Variants in SMIM27 observed in about 807,000 individuals in gnomAD.
SMIM27 encodes TOPORS antisense RNA 1 (non-protein coding).
Under a neutral mutation model 1.8 loss-of-function variants are expected in SMIM27, and 3 were observed. The observed-to-expected ratio is 1.65, with a 90% CI of 0.75 to 4.28. SMIM27 has a LOEUF of 4.28. SMIM27 is among the 30% of genes most tolerant of loss of function. The pLI is 0.02. For missense variants in SMIM27, 63 were observed against 37.0 expected (o/e 1.70, Z -1.83); for synonymous variants, 19 against 13.9 (o/e 1.37, Z -0.82).
At chr9:32,556,996 C>T (rs1483528696), downstream of SMIM27, among the ~76,000 whole-genome samples, 4 of 150,480 alleles carry the variant, frequency 2.7e-5, no homozygotes, top group South Asian at 2.1e-4. Flanking sequence ...GGATTACAGG[C>T]GTGCACCACC....
Position 32,552,920 on chromosome 9 carries a change from G to GT in SMIM27, c.166dup (p.Ter56LeufsTer9). 1 of 701,780 alleles carries GT rather than the reference G, an allele frequency of 1.4e-6. No homozygotes were observed. Among genetic ancestry groups the GT allele is most frequent in the Non-Finnish European group, 2.6e-6 (1 of 384,550 alleles). 43.5% of individuals were successfully genotyped at this position (701,780 alleles called of 1,614,324 possible). On this transcript the variant is annotated frameshift_variant, in exon 2 of 2. Transcript: ENST00000692500. LOFTEE classifies it high-confidence loss of function. ...AAATCTTTGGGACGAATGAAAATTT[G>GT]TAACTCTTCTGGATTTAATTATCTG...
intron 1 of SMIM27, chr9:32,558,883 A>T (rs200276188): frequency 6.9e-7 from 1 of 1,454,672 alleles, no homozygotes; most frequent in East Asian, 2.3e-5. Flanking sequence ...AATAAACAAA[A>T]GAAAAATCAG....
chr9:32,554,656 T>C (rs767902389), downstream of SMIM27, among the ~76,000 whole-genome samples: 6 of 152,230 alleles, frequency 3.9e-5, no homozygotes, highest in Admixed American at 3.3e-4. Context: ...CTCAGGATTA[T>C]AGTCCAATGA....
intron 1 of SMIM27, among the ~76,000 whole-genome samples, chr9:32,561,432 A>G (rs1821622901): frequency 6.6e-6 from 1 of 151,994 alleles, no homozygotes; most frequent in East Asian, 1.9e-4. Flanking sequence ...GTTTCCAGCA[A>G]TTCTTCTGCC....
chr9:32,552,027 C>G (rs1821282242), upstream of SMIM27, among the ~76,000 whole-genome samples: 1 of 151,976 alleles, frequency 6.6e-6, no homozygotes, highest in South Asian at 2.1e-4. Context: ...GTTAATTCTT[C>G]CAGCTTTAGA....
At chr9:32,561,355 T>A (rs1345202390) in intron 1 of SMIM27, among the ~76,000 whole-genome samples, 1 of 151,560 alleles carries the variant, frequency 6.6e-6, no homozygotes, top group Non-Finnish European at 1.5e-5. Context: ...AGACAGAGTC[T>A]CGTTATATCG....
At chr9:32,555,203 C>T (rs573467960), downstream of SMIM27, among the ~76,000 whole-genome samples, 75 of 152,252 alleles carry the variant, frequency 4.9e-4, 2 homozygotes, top group Middle Eastern at 6.8e-3. Context: ...GCTTGAGGCC[C>T]AGAGTTCAAA....
At chr9:32,551,656 C>T, upstream of SMIM27, 1 of 281,776 alleles carries the variant, frequency 3.5e-6, no homozygotes, top group South Asian at 2.8e-5. Flanking sequence ...CCTCAGGCCT[C>T]AAATGTGAGC....
chr9:32,551,153 C>G (rs890137266), upstream of SMIM27: 1 of 718,838 alleles, frequency 1.4e-6, no homozygotes, highest in Non-Finnish European at 2.4e-6. Flanking sequence ...CCCCGCCGCT[C>G]CAGACCCCGG....
At chr9:32,565,037 A>G (rs1337803907) in intron 1 of SMIM27, among the ~76,000 whole-genome samples, 2 of 152,184 alleles carry the variant, frequency 1.3e-5, no homozygotes, top group Non-Finnish European at 2.9e-5. Context: ...TCACGCTTGT[A>G]ATCCCAGCAC....
chr9:32,561,365 G>A (rs988613993), intron 1 of SMIM27, among the ~76,000 whole-genome samples: 7 of 150,224 alleles, frequency 4.7e-5, no homozygotes, highest in African/African-American at 7.4e-5. Flanking sequence ...TCGTTATATC[G>A]CTCAGGCTGG....
At chr9:32,558,964 A>C (rs539762948) in intron 1 of SMIM27, 18 of 1,568,226 alleles carry the variant, frequency 1.1e-5, no homozygotes, top group East Asian at 2.2e-5. Flanking sequence ...CCTGTAATAA[A>C]AGTTAACTCT....
upstream of SMIM27, chr9:32,552,310 C>A (rs1301029914): frequency 1.4e-6 from 2 of 1,390,252 alleles, no homozygotes; most frequent in Non-Finnish European, 2.0e-6. Context: ...CTGCACGAAG[C>A]GAGTGGGCGG....
At chr9:32,554,875 A>T (rs114969544), downstream of SMIM27, among the ~76,000 whole-genome samples, 744 of 152,306 alleles carry the variant, frequency 4.9e-3, 8 homozygotes, top group African/African-American at 0.017. Context: ...TATCTCCTAT[A>T]ACTTGGAAGC....
Position 32,552,608 on chromosome 9 carries a change from C to T in SMIM27, c.45+129C>T, listed in dbSNP as rs187268836. ...AATTAAGCATTTCACTCCCTCACCT[C>T]GACTCCGCCTCTTCCTGGAGGATAC... is the stretch of plus-strand genomic sequence containing the variant. On this transcript the variant is annotated intron_variant, in intron 1 of 1. Coordinates refer to ENST00000692500, the MANE Select transcript of SMIM27 (RefSeq NM_001387564.1). 1,326 of 796,116 alleles carry T rather than the reference C, an allele frequency of 1.7e-3. 5 individuals carry two copies. Among genetic ancestry groups the T allele is most frequent in the Non-Finnish European group, 7.9e-4 (367 of 466,850 alleles). 49.3% of individuals were successfully genotyped at this position (796,116 alleles called of 1,614,324 possible).
chr9:32,564,480 C>T (rs1587645610), intron 1 of SMIM27, among the ~76,000 whole-genome samples: 1 of 149,766 alleles, frequency 6.7e-6, no homozygotes, highest in South Asian at 2.2e-4. Flanking sequence ...CTGCTGATTA[C>T]ACAACAAATG....
chr9:32,551,445 T>A, upstream of SMIM27: 1 of 287,214 alleles, frequency 3.5e-6, no homozygotes, highest in African/African-American at 2.2e-5. Context: ...TCCTATAAAG[T>A]CTTCAGAGAG....
chr9:32,563,467 TCCTGAACAGGTGGGAC>T (rs1372483167), intron 1 of SMIM27, among the ~76,000 whole-genome samples: 1 of 136,928 alleles, frequency 7.3e-6, no homozygotes, highest in African/African-American at 2.7e-5. Context: ...TGCTTCAGCC[TCCTGAACAGGTGGGAC>T]TATTGGGCTT....
At chr9:32,566,186 T>C in intron 1 of SMIM27, 2 of 743,390 alleles carry the variant, frequency 2.7e-6, no homozygotes. Context: ...CTCTTCAACC[T>C]TGTCTGGGGT....
Sources: gnomAD v4.1 joint callset for allele counts (sites outside exome capture counted in the v4.1 genomes callset) on GRCh38, gnomAD v4.1.1 for gene constraint, MANE v1.5 for transcripts, NCBI Gene and HGNC (gene_info 2026-07-23, HGNC 2026-07-21) for gene names.